ROCK1: variants seen among roughly 807,000 people sequenced by gnomAD.
ROCK1 encodes rho-associated protein kinase 1.
ROCK1 carries 36 observed loss-of-function variants against 196.8 expected under a neutral mutation model. The ratio of observed to expected loss-of-function variants is 0.18; its 90% CI spans 0.14 to 0.24. ROCK1 has a LOEUF of 0.24. Ranked by LOEUF, ROCK1 falls within the 10% of genes least tolerant of loss-of-function variation. The pLI is 1.00. For synonymous variants in ROCK1, 443 were observed against 515.9 expected (o/e 0.86, Z 1.91); for missense variants, 920 against 1,562.0 (o/e 0.59, Z 6.93).
intron 8 of ROCK1, among the ~76,000 whole-genome samples, chr18:21,040,389 C>G (rs893207541): frequency 1.3e-5 from 2 of 152,172 alleles, no homozygotes; most frequent in Non-Finnish European, 2.9e-5. Context: ...CTTGATACTG[C>G]CACAGAATTC....
chr18:20,996,928 A>G (rs2035676384), intron 16 of ROCK1, among the ~76,000 whole-genome samples: 1 of 152,212 alleles, frequency 6.6e-6, no homozygotes, highest in Non-Finnish European at 1.5e-5. Context: ...TGGTAACCTC[A>G]AATCAAAAGA....
chr18:21,038,541 T>C (rs1418257356), intron 9 of ROCK1, among the ~76,000 whole-genome samples: 1 of 152,188 alleles, frequency 6.6e-6, no homozygotes, highest in African/African-American at 2.4e-5. Context: ...ACCTACATGA[T>C]TTATTTCATC....
intron 8 of ROCK1, among the ~76,000 whole-genome samples, chr18:21,041,270 T>C (rs985509800): frequency 2.6e-4 from 27 of 105,178 alleles, no homozygotes; most frequent in Non-Finnish European, 4.4e-4. Context: ...TGTCTCTATT[T>C]AAAAAAAAAA....
chr18:20,954,581 C>CA (rs2035223172), intron 31 of ROCK1, among the ~76,000 whole-genome samples: 1 of 152,288 alleles, frequency 6.6e-6, no homozygotes, highest in Non-Finnish European at 1.5e-5. Flanking sequence ...CCATCTCAAT[C>CA]AATCAGTCAA....
intron 12 of ROCK1, among the ~76,000 whole-genome samples, chr18:21,018,680 C>T (rs2035886198): frequency 2.0e-5 from 3 of 151,948 alleles, no homozygotes; most frequent in African/African-American, 7.3e-5. Flanking sequence ...ATTCAAATGC[C>T]TTTTTAAAAG....
chr18:21,019,569 A>G (rs1445100985), intron 12 of ROCK1, among the ~76,000 whole-genome samples: 6 of 151,968 alleles, frequency 3.9e-5, no homozygotes, highest in African/African-American at 1.5e-4. Context: ...CGAGGCGGGC[A>G]GATCACGAGG....
chr18:21,088,588 T>C (rs1457071509), intron 1 of ROCK1, among the ~76,000 whole-genome samples: 2 of 152,226 alleles, frequency 1.3e-5, no homozygotes, highest in African/African-American at 4.8e-5. Context: ...AGGGATCATC[T>C]GAACAAATTT....
At chr18:21,070,358 G>A (rs1379788314) in intron 2 of ROCK1, among the ~76,000 whole-genome samples, 174 bp downstream of exon 2, 1 of 151,740 alleles carries the variant, frequency 6.6e-6, no homozygotes, top group East Asian at 1.9e-4. Flanking sequence ...AAATATTTTG[G>A]TTCTCCTAAC....
At chr18:21,015,151 CT>C (rs1369350845) in intron 13 of ROCK1, among the ~76,000 whole-genome samples, 3 of 152,160 alleles carry the variant, frequency 2.0e-5, no homozygotes, top group African/African-American at 7.2e-5. Context: ...GCTTGCTTCT[CT>C]GGCTCCTTTC....
intron 1 of ROCK1, among the ~76,000 whole-genome samples, chr18:21,075,530 A>C (rs1413783877): frequency 6.6e-6 from 1 of 152,216 alleles, no homozygotes; most frequent in Non-Finnish European, 1.5e-5. Context: ...TTGGGACTAC[A>C]ATACAGATTT....
rs1435691044 is a variant in ROCK1 at position 20,947,789 on chromosome 18, C to T, written c.*3595G>A. 1.3e-5 allele frequency: 2 copies of T among 152,142 alleles called. No homozygotes were observed. The highest frequency in any genetic ancestry group is 2.9e-5 in the Non-Finnish European group (2 of 68,038). The allele number at this position is 152,142 out of a possible 1,614,324, so 9.4% of individuals were successfully genotyped here. A position where few individuals can be genotyped will look rare whatever the true frequency, so the allele number is the denominator to read the frequency against. ...TTTTCTTGGTGGAGGTCGTATACAT[C>T]TTTCAGTAGATTGTTTTTAAATTTA... On this transcript the variant is annotated 3_prime_UTR_variant, in exon 33 of 33. Coordinates refer to ENST00000399799, the MANE Select transcript of ROCK1 (RefSeq NM_005406.3).
chr18:21,078,335 C>T (rs1271707709), intron 1 of ROCK1, among the ~76,000 whole-genome samples: 1 of 138,620 alleles, frequency 7.2e-6, no homozygotes, highest in Non-Finnish European at 1.5e-5. Context: ...TCTCAAAACA[C>T]CCACCTACAC....
chr18:21,026,939 C>CT (rs1208782541), intron 10 of ROCK1, among the ~76,000 whole-genome samples: 2,300 of 136,244 alleles, frequency 0.017, 40 homozygotes, highest in African/African-American at 0.042. Flanking sequence ...CTTTTTCTTT[C>CT]TTTTTTTTTT....
chr18:20,981,222 G>A (rs1363004532), intron 21 of ROCK1, among the ~76,000 whole-genome samples: 13 of 151,942 alleles, frequency 8.6e-5, no homozygotes, highest in Middle Eastern at 6.8e-3. Context: ...GTGAAACCCC[G>A]TCTCTACTAA....
intron 17 of ROCK1, among the ~76,000 whole-genome samples, chr18:20,991,901 G>C (rs1229674823): frequency 6.6e-6 from 1 of 152,058 alleles, no homozygotes; most frequent in Non-Finnish European, 1.5e-5. Flanking sequence ...GCCTCCCAAA[G>C]TGTTGGGTCT....
chr18:21,060,839 C>CA (rs930819259), intron 2 of ROCK1, among the ~76,000 whole-genome samples: 7,955 of 42,912 alleles, frequency 0.19, 776 homozygotes, highest in African/African-American at 0.31. Context: ...AACTCCATCT[C>CA]AAAAAAAAAA....
At chr18:21,024,349 T>C (rs556016910) in intron 10 of ROCK1, among the ~76,000 whole-genome samples, 137 of 152,354 alleles carry the variant, frequency 9.0e-4, no homozygotes, top group Non-Finnish European at 1.6e-3. Flanking sequence ...CTTTTTTAGA[T>C]GTCTCACAAG....
intron 1 of ROCK1, among the ~76,000 whole-genome samples, chr18:21,089,034 T>C (rs2036549171): frequency 6.6e-6 from 1 of 152,154 alleles, no homozygotes. Flanking sequence ...TTATTATAAA[T>C]AACATATTTT....
At chr18:21,001,764 C>CAA (rs768401552) in intron 16 of ROCK1, among the ~76,000 whole-genome samples, 1,610 of 102,180 alleles carry the variant, frequency 0.016, 19 homozygotes, top group Middle Eastern at 0.079. Context: ...GGCTCCGTCT[C>CAA]AAAAAAAAAA....
Sources: allele counts gnomAD v4.1 joint callset (sites outside exome capture counted in the v4.1 genomes callset), GRCh38; gene constraint gnomAD v4.1.1; transcripts MANE v1.5; gene names NCBI Gene and HGNC (gene_info 2026-07-23, HGNC 2026-07-21).